METTL24: variants seen among roughly 807,000 people sequenced by gnomAD.
The protein encoded by METTL24 is methyltransferase like 24.
METTL24 carries 29 observed loss-of-function variants against 32.7 expected under a neutral mutation model. That is an observed-to-expected ratio of 0.89 (90% CI 0.66 to 1.21). METTL24 has a LOEUF of 1.21. Among genes scored for constraint, METTL24 ranks in the 50% most tolerant of loss-of-function variants. The pLI is 0.00. For synonymous variants in METTL24, 163 were observed against 179.5 expected (o/e 0.91, Z 0.73); for missense variants, 439 against 468.1 (o/e 0.94, Z 0.57).
At chr6:110,308,261 C>T (rs1771659954) in intron 3 of METTL24, among the ~76,000 whole-genome samples, 1 of 152,200 alleles carries the variant, frequency 6.6e-6, no homozygotes, top group South Asian at 2.1e-4. Flanking sequence ...GTACTGCAGT[C>T]CCATGCCCTT....
At chr6:110,247,707 T>A (rs542196763) in intron 4 of METTL24, among the ~76,000 whole-genome samples, 12 of 152,288 alleles carry the variant, frequency 7.9e-5, no homozygotes, top group Non-Finnish European at 1.6e-4. Flanking sequence ...GTCATGAATA[T>A]CCTGCCCCAT....
In METTL24 at chr6:110,358,198, GAAC is replaced by G. The variant is rs773374568; in HGVS notation, c.72_74del (p.Leu24del). 10 of 1,458,128 alleles carry G rather than the reference GAAC, an allele frequency of 6.9e-6. No homozygotes were observed. Among genetic ancestry groups the G allele is most frequent in the African/African-American group, 3.0e-5 (2 of 67,494 alleles). 90.3% of individuals were successfully genotyped at this position (1,458,128 alleles called of 1,614,324 possible). ...GCAGCTCTGCGCAGAGCCGCAGGCCGAACAACAGCACAGCCCCGAGTAGACACC... is the reference window on the plus strand; with the variant it reads ...GCAGCTCTGCGCAGAGCCGCAGGCCGAACAGCACAGCCCCGAGTAGACACC... On this transcript the variant is annotated inframe_deletion, in exon 1 of 5. Coordinates refer to ENST00000338882, the MANE Select transcript of METTL24 (RefSeq NM_001123364.3).
At chr6:110,292,490 C>T (rs906734543) in intron 4 of METTL24, among the ~76,000 whole-genome samples, 13 of 151,796 alleles carry the variant, frequency 8.6e-5, no homozygotes, top group African/African-American at 2.9e-4. Context: ...TCAACTATTT[C>T]TTCATCCAAT....
At chr6:110,340,623 T>A (rs983491003) in intron 1 of METTL24, among the ~76,000 whole-genome samples, 2 of 152,238 alleles carry the variant, frequency 1.3e-5, no homozygotes, top group Admixed American at 1.3e-4. Context: ...TGAATGTGCA[T>A]GTGTGCAAAT....
At chr6:110,353,447 T>G (rs1258726163) in intron 1 of METTL24, among the ~76,000 whole-genome samples, 1 of 152,084 alleles carries the variant, frequency 6.6e-6, no homozygotes, top group African/African-American at 2.4e-5. Context: ...TCTTTCTTCT[T>G]GATGACAATC....
intron 4 of METTL24, among the ~76,000 whole-genome samples, chr6:110,260,078 G>A (rs1298849338): frequency 3.3e-5 from 5 of 152,274 alleles, no homozygotes; most frequent in African/African-American, 4.8e-5. Flanking sequence ...CCAAAGGAAC[G>A]CAGCTCCTCA....
intron 1 of METTL24, among the ~76,000 whole-genome samples, chr6:110,336,733 C>T (rs9386889): frequency 0.6 from 85,219 of 141,198 alleles, 25,683 homozygotes; most frequent in South Asian, 0.68. Flanking sequence ...AGCAAGACTC[C>T]GCCTCAAAAA....
At chr6:110,332,786 G>A (rs1444996139) in intron 1 of METTL24, among the ~76,000 whole-genome samples, 1 of 151,882 alleles carries the variant, frequency 6.6e-6, no homozygotes, top group Non-Finnish European at 1.5e-5. Flanking sequence ...GTACACTCCT[G>A]TAGTCCCAGC....
chr6:110,282,457 C>T (rs1040520696), intron 4 of METTL24, among the ~76,000 whole-genome samples: 1 of 152,086 alleles, frequency 6.6e-6, no homozygotes, highest in African/African-American at 2.4e-5. Flanking sequence ...TTAATCCCCT[C>T]AACAGTCTTT....
intron 4 of METTL24, 128 bp downstream of exon 4, chr6:110,298,794 G>T: frequency 2.7e-6 from 2 of 734,936 alleles, no homozygotes; most frequent in Non-Finnish European, 2.2e-6. Flanking sequence ...ATAATGTTGG[G>T]TGATTAGTAA....
chr6:110,344,983 GTTA>G (rs1436288525), intron 1 of METTL24, among the ~76,000 whole-genome samples: 1 of 152,152 alleles, frequency 6.6e-6, no homozygotes, highest in Admixed American at 6.5e-5. Flanking sequence ...TATCAACAGA[GTTA>G]GCAAACAACC....
At chr6:110,246,608 A>G (rs569638824) in intron 4 of METTL24, among the ~76,000 whole-genome samples, 4 of 152,350 alleles carry the variant, frequency 2.6e-5, no homozygotes, top group African/African-American at 9.6e-5. Context: ...ATGATGAAAT[A>G]CCAGGCAAAA....
chr6:110,295,009 CTTTCTTTTTTT>C (rs1771386066), intron 4 of METTL24, among the ~76,000 whole-genome samples: 1 of 95,506 alleles, frequency 1.0e-5, no homozygotes, highest in Non-Finnish European at 2.1e-5. Context: ...TTTTTTCTTT[CTTTCTTTTTTT>C]TTTTTTTTTT....
In METTL24 at chr6:110,298,578, A is replaced by G. The variant is rs181698227; in HGVS notation, c.786+344T>C. On this transcript the variant is annotated intron_variant, in intron 4 of 4. Coordinates refer to ENST00000338882, the MANE Select transcript of METTL24 (RefSeq NM_001123364.3). ...TTTTTTTTTTGTATTTGAGGTCAAC[A>G]TAAGTAGTTTGCTCTTTCTGGAAAG... Among the ~76,000 whole-genome samples the G allele has an allele frequency of 1.6e-3, 239 of 152,262 alleles. 1 individual carries two copies. The highest frequency in any genetic ancestry group is 5.3e-3 in the African/African-American group (221 of 41,546).
chr6:110,266,512 T>C (rs1030251066), intron 4 of METTL24, among the ~76,000 whole-genome samples: 1 of 152,086 alleles, frequency 6.6e-6, no homozygotes, highest in African/African-American at 2.4e-5. Flanking sequence ...CTAGATTCCC[T>C]ACATCCTTCC....
At chr6:110,330,057 G>A (rs998608404) in intron 1 of METTL24, among the ~76,000 whole-genome samples, 2 of 152,220 alleles carry the variant, frequency 1.3e-5, no homozygotes, top group African/African-American at 4.8e-5. Context: ...CCGGTGGTGG[G>A]CACTGGCGCA....
At chr6:110,323,352 T>A (rs1294777296) in intron 1 of METTL24, among the ~76,000 whole-genome samples, 1 of 152,164 alleles carries the variant, frequency 6.6e-6, no homozygotes, top group Non-Finnish European at 1.5e-5. Flanking sequence ...TCTTCCTCAG[T>A]GCAGGGAGAT....
chr6:110,305,396 C>G (rs1370912927), intron 3 of METTL24, among the ~76,000 whole-genome samples: 1 of 151,846 alleles, frequency 6.6e-6, no homozygotes, highest in Non-Finnish European at 1.5e-5. Flanking sequence ...AGGCAACCTA[C>G]AGAATGGGAA....
intron 3 of METTL24, among the ~76,000 whole-genome samples, chr6:110,312,244 T>C (rs1274047298): frequency 6.6e-6 from 1 of 152,202 alleles, no homozygotes; most frequent in Non-Finnish European, 1.5e-5. Flanking sequence ...TTTTACACAC[T>C]GGTTTTGGGG....
Sources: allele counts gnomAD v4.1 joint callset (sites outside exome capture counted in the v4.1 genomes callset), GRCh38; gene constraint gnomAD v4.1.1; transcripts MANE v1.5; gene names NCBI Gene and HGNC (gene_info 2026-07-23, HGNC 2026-07-21).